Variants in MYLK observed in about 807,000 individuals in gnomAD.
MYLK encodes the protein myosin light chain kinase, smooth muscle.
A neutral mutation model predicts 203.4 loss-of-function variants in MYLK; 106 were observed. The observed-to-expected ratio is 0.52, with a 90% CI of 0.45 to 0.61. MYLK has a LOEUF of 0.61. Ranked by LOEUF, MYLK falls within the 20% of genes least tolerant of loss-of-function variation. MYLK has a pLI of 0.00. For missense variants in MYLK, 2,072 were observed against 2,442.3 expected (o/e 0.85, Z 3.20); for synonymous variants, 867 against 959.5 (o/e 0.90, Z 1.78).
intron 13 of MYLK, among the ~76,000 whole-genome samples, chr3:123,710,773 A>T (rs1057448281): frequency 6.6e-6 from 1 of 152,226 alleles, no homozygotes; most frequent in Non-Finnish European, 1.5e-5. Context: ...CTTGTACACA[A>T]ACATTCAGAG....
At chr3:123,619,314 C>G (rs113889397) in intron 32 of MYLK, among the ~76,000 whole-genome samples, 8 of 152,256 alleles carry the variant, frequency 5.3e-5, no homozygotes, top group South Asian at 2.1e-4. Context: ...TGGAGGGACA[C>G]CTGTATCTCC....
intron 3 of MYLK, among the ~76,000 whole-genome samples, chr3:123,827,065 C>T (rs898876065): frequency 1.3e-5 from 2 of 152,126 alleles, no homozygotes; most frequent in Non-Finnish European, 2.9e-5. Context: ...TAACAGAATC[C>T]AATCATAAGG....
chr3:123,693,761 C>T (rs938075846), intron 18 of MYLK: 1 of 152,306 alleles, frequency 6.6e-6, no homozygotes, highest in African/African-American at 2.4e-5. Flanking sequence ...GAGGTTCCCT[C>T]AGGGTGTGGA....
At chr3:123,731,140 G>A (rs2062461187) in intron 11 of MYLK, among the ~76,000 whole-genome samples, 1 of 152,132 alleles carries the variant, frequency 6.6e-6, no homozygotes, top group Non-Finnish European at 1.5e-5. Context: ...GACCTGGCCT[G>A]GATGATGAGG....
intron 19 of MYLK, among the ~76,000 whole-genome samples, chr3:123,685,523 G>A (rs1433499147): frequency 1.3e-5 from 2 of 150,910 alleles, no homozygotes; most frequent in South Asian, 4.2e-4. Flanking sequence ...AGCCCACAGA[G>A]CTTGAGGCTG....
At chr3:123,789,013 C>T (rs1247904977) in intron 4 of MYLK, among the ~76,000 whole-genome samples, 1 of 152,096 alleles carries the variant, frequency 6.6e-6, no homozygotes, top group East Asian at 1.9e-4. Context: ...AGCATTTTTC[C>T]CACCATTGCT....
rs545575911 is a variant in MYLK at position 123,741,580 on chromosome 3, T to C, written c.374-1579A>G. 1.7e-4 allele frequency among the ~76,000 whole-genome samples: 26 copies of C among 152,334 alleles called. No individual in the cohort carries two copies. In the South Asian group the frequency reaches 1.9e-3, roughly 11 times the overall value. On this transcript the variant is annotated intron_variant, in intron 5 of 33. Coordinates refer to ENST00000360304, the MANE Select transcript of MYLK (RefSeq NM_053025.4). The stretch of plus-strand genomic sequence containing the variant: ...AACTGTCCAGTCCTCCTGGAAATAC[T>C]TGAGTGAGGAAAAATCATAAGCTTT...
chr3:123,656,825 G>A (rs1239470300), intron 24 of MYLK, among the ~76,000 whole-genome samples: 1 of 152,174 alleles, frequency 6.6e-6, no homozygotes, highest in Non-Finnish European at 1.5e-5. Flanking sequence ...AAGGGGTGGA[G>A]GGTGGAAGAG....
intron 11 of MYLK, among the ~76,000 whole-genome samples, chr3:123,731,970 A>G (rs1357333691): frequency 3.4e-5 from 5 of 146,244 alleles, no homozygotes; most frequent in Non-Finnish European, 6.0e-5. Context: ...ACCTTCTAAT[A>G]TAAGTTTTCT....
intron 5 of MYLK, among the ~76,000 whole-genome samples, chr3:123,746,393 G>T (rs558666438): frequency 1.3e-5 from 2 of 152,154 alleles, no homozygotes; most frequent in South Asian, 4.1e-4. Flanking sequence ...CAAAGGCCAG[G>T]GGTGGAGATG....
intron 19 of MYLK, chr3:123,691,385 G>A (rs1441524123): frequency 6.6e-6 from 1 of 152,074 alleles, no homozygotes; most frequent in Non-Finnish European, 1.5e-5. Flanking sequence ...GCATAAACTT[G>A]GACACATCAA....
intron 2 of MYLK, among the ~76,000 whole-genome samples, chr3:123,860,424 G>A (rs766212269): frequency 3.3e-5 from 5 of 152,152 alleles, no homozygotes; most frequent in Admixed American, 2.0e-4. Context: ...TGAGCCTAAC[G>A]ACACCCAGAA....
chr3:123,739,188 T>C, intron 6 of MYLK, 126 bp from the exon 7 acceptor site: 1 of 1,115,346 alleles, frequency 9.0e-7, no homozygotes, highest in Non-Finnish European at 1.3e-6. Flanking sequence ...CCCAATTTTA[T>C]GCCTCAGAAA....
chr3:123,732,516 A>G (rs898705669), intron 11 of MYLK, among the ~76,000 whole-genome samples: 2 of 152,216 alleles, frequency 1.3e-5, no homozygotes, highest in African/African-American at 4.8e-5. Context: ...AGTACAATAA[A>G]CATAAAAGAT....
chr3:123,735,538 G>A (rs2062645538), intron 8 of MYLK, 122 bp from the exon 9 acceptor site: 2 of 1,092,332 alleles, frequency 1.8e-6, no homozygotes, highest in Admixed American at 3.5e-5. Flanking sequence ...AGCTTCCCTG[G>A]TGCTGAACGT....
At position 123,621,051 on chromosome 3, in the gene MYLK, A is replaced by C. The variant is rs568836942; in HGVS notation, c.5239-715T>G. The C allele has an allele frequency of 2.0e-5, 3 of 152,370 alleles. No individual in the cohort carries two copies. In the East Asian group the frequency reaches 5.8e-4, roughly 29 times the overall value. The allele number at this position is 152,370 out of a possible 1,614,324, so 9.4% of individuals were successfully genotyped here. A position where few individuals can be genotyped will look rare whatever the true frequency, so the allele number is the denominator to read the frequency against. On this transcript the variant is annotated intron_variant, in intron 31 of 33. Coordinates refer to ENST00000360304, the MANE Select transcript of MYLK (RefSeq NM_053025.4). ...GTGCATTCAGGCACCAAAAAGAAGC[A>C]TTGAAGAAATAAAAGGCAACGGCAC...
At position 123,734,039 on chromosome 3, in the gene MYLK, C is replaced by T. The variant is rs864622770; in HGVS notation, c.957G>A (p.Glu319=). Residue 319 remains glutamate (E), a synonymous_variant, in exon 10 of 34, where the codon GAG becomes GAA. Coordinates refer to ENST00000360304, the MANE Select transcript of MYLK (RefSeq NM_053025.4). ...AGTCCTTGCATGACTCCAGCTTGGA[C>T]TCCCTTGGGGGCTGAGGCTGGCTGT... ...AANSQPQPPR[E]SKLESCKDSP... 1.1e-5 allele frequency: 17 copies of T among 1,614,080 alleles called. No individual in the cohort carries two copies. Among genetic ancestry groups the T allele is most frequent in the South Asian group, 3.3e-5 (3 of 91,074 alleles).
intron 3 of MYLK, among the ~76,000 whole-genome samples, chr3:123,821,784 T>G (rs1560261700): frequency 2.0e-5 from 3 of 152,164 alleles, no homozygotes; most frequent in Admixed American, 6.5e-5. Context: ...CATCGCAATC[T>G]CCCAATTGCC....
chr3:123,715,731 C>A (rs2061869447), intron 13 of MYLK: 1 of 152,200 alleles, frequency 6.6e-6, no homozygotes, highest in Non-Finnish European at 1.5e-5. Flanking sequence ...GATCTGCCAT[C>A]TCCTTCTGCA....
Sources: gnomAD v4.1 joint callset for allele counts (sites outside exome capture counted in the v4.1 genomes callset) on GRCh38, gnomAD v4.1.1 for gene constraint, MANE v1.5 for transcripts, NCBI Gene and HGNC (gene_info 2026-07-23, HGNC 2026-07-21) for gene names.